The following AMBRA1 variants were observed in gnomAD, a reference collection of about 807,000 sequenced individuals.
AMBRA1 encodes activating molecule in BECN1-regulated autophagy protein 1.
In AMBRA1, 47 loss-of-function variants were observed where a neutral mutation model predicts 125.4. That is an observed-to-expected ratio of 0.37 (90% CI 0.30 to 0.48). The LOEUF (loss-of-function observed/expected upper bound fraction) is 0.48, where lower values mean the gene tolerates loss of function less well. Among genes scored for constraint, AMBRA1 ranks in the 20% least tolerant of loss-of-function variants. AMBRA1 has a pLI of 0.99. For missense variants in AMBRA1, 1,331 were observed against 1,693.4 expected (o/e 0.79, Z 3.76); for synonymous variants, 626 against 655.5 (o/e 0.95, Z 0.69).
At chr11:46,473,949 C>T (rs927158553) in intron 11 of AMBRA1, among the ~76,000 whole-genome samples, 1 of 152,200 alleles carries the variant, frequency 6.6e-6, no homozygotes, top group East Asian at 1.9e-4. Context: ...CGCACCCGGA[C>T]AGGATCCTTT....
intron 1 of AMBRA1, among the ~76,000 whole-genome samples, chr11:46,574,146 A>G (rs1269619991): frequency 1.4e-5 from 2 of 144,230 alleles, no homozygotes; most frequent in Admixed American, 1.4e-4. Context: ...GTGTCTTTAT[A>G]GCAGCATGAT....
chr11:46,424,783 T>C (rs1217657272), intron 14 of AMBRA1, among the ~76,000 whole-genome samples: 1 of 152,024 alleles, frequency 6.6e-6, no homozygotes, highest in South Asian at 2.1e-4. Context: ...AAATTTACAG[T>C]GGGCTATGAT....
chr11:46,510,307 G>A (rs1178679560), intron 8 of AMBRA1, among the ~76,000 whole-genome samples: 7 of 152,200 alleles, frequency 4.6e-5, no homozygotes, highest in African/African-American at 1.7e-4. Flanking sequence ...CATGCATTTT[G>A]CAAGGATGAA....
At chr11:46,469,988 T>A (rs1199538284) in intron 11 of AMBRA1, among the ~76,000 whole-genome samples, 1 of 152,156 alleles carries the variant, frequency 6.6e-6, no homozygotes, top group Non-Finnish European at 1.5e-5. Flanking sequence ...TATTTCATTT[T>A]AAAAATTTAC....
chr11:46,423,806 C>T (rs1488248558), intron 14 of AMBRA1, among the ~76,000 whole-genome samples: 3 of 143,886 alleles, frequency 2.1e-5, no homozygotes, highest in African/African-American at 8.0e-5. Flanking sequence ...TCTTGCTGCC[C>T]AGGCTAGAGT....
intron 9 of AMBRA1, among the ~76,000 whole-genome samples, chr11:46,505,914 G>A (rs757071742): frequency 2.7e-4 from 41 of 152,262 alleles, no homozygotes; most frequent in Non-Finnish European, 5.1e-4. Flanking sequence ...AAAAGATAAC[G>A]CAGTCTCCCA....
intron 1 of AMBRA1, among the ~76,000 whole-genome samples, chr11:46,593,580 G>A (rs2044684361): frequency 6.6e-6 from 1 of 152,174 alleles, no homozygotes; most frequent in African/African-American, 2.4e-5. Flanking sequence ...CACACTGGGG[G>A]TGCCCTAGAC....
rs572835323 is a variant in AMBRA1, at chr11:46,585,039, A to T, written c.-121+8789T>A. 3.3e-5 allele frequency among the ~76,000 whole-genome samples: 5 copies of T among 152,010 alleles called. No individual in the cohort carries two copies. The East Asian group carries it at 9.7e-4, about 29-fold the overall frequency. ...GAGATCACACCACTCACTGCACTCC[A>T]GCCTGGGCGACTGTGCTCTCTGTGC... On this transcript the variant is annotated intron_variant, in intron 1 of 17. Coordinates refer to ENST00000683756, the MANE Select transcript of AMBRA1 (RefSeq NM_001387011.1).
At chr11:46,549,883 A>G (rs1278308528) in intron 1 of AMBRA1, among the ~76,000 whole-genome samples, 1 of 152,134 alleles carries the variant, frequency 6.6e-6, no homozygotes, top group African/African-American at 2.4e-5. Flanking sequence ...CAACAGCGCA[A>G]TCTCGGCTCA....
At chr11:46,502,065 CA>C in intron 9 of AMBRA1, among the ~76,000 whole-genome samples, 2 of 152,082 alleles carry the variant, frequency 1.3e-5, no homozygotes, top group Non-Finnish European at 2.9e-5. Flanking sequence ...TGTCTCTCTC[CA>C]GGTCATTTTC....
chr11:46,550,882 C>T (rs551515024), intron 1 of AMBRA1, among the ~76,000 whole-genome samples: 83 of 147,884 alleles, frequency 5.6e-4, no homozygotes, highest in African/African-American at 1.9e-3. Flanking sequence ...GTCAGGAGAT[C>T]GAGACCATCC....
intron 1 of AMBRA1, among the ~76,000 whole-genome samples, chr11:46,582,424 C>T (rs2044208001): frequency 6.6e-6 from 1 of 152,188 alleles, no homozygotes; most frequent in Admixed American, 6.5e-5. Flanking sequence ...TTGGCACACA[C>T]TGCAATTATA....
chr11:46,446,982 A>G (rs1369400948), intron 11 of AMBRA1, among the ~76,000 whole-genome samples: 3 of 152,198 alleles, frequency 2.0e-5, no homozygotes, highest in African/African-American at 7.2e-5. Flanking sequence ...AGATTTTGAC[A>G]CTTCCTGTCA....
At chr11:46,588,350 G>C (rs2135341368) in intron 1 of AMBRA1, among the ~76,000 whole-genome samples, 1 of 152,170 alleles carries the variant, frequency 6.6e-6, no homozygotes, top group East Asian at 1.9e-4. Flanking sequence ...TAAACAGAAA[G>C]TAGCAAGTTG....
chr11:46,407,410 T>C (rs1303342822), intron 17 of AMBRA1, among the ~76,000 whole-genome samples: 1 of 152,098 alleles, frequency 6.6e-6, no homozygotes, highest in African/African-American at 2.4e-5. Flanking sequence ...AAAGGCCTAA[T>C]GGACTCCAGA....
chr11:46,399,842 G>C (rs1305212162), intron 17 of AMBRA1, among the ~76,000 whole-genome samples: 1 of 152,234 alleles, frequency 6.6e-6, no homozygotes, highest in Non-Finnish European at 1.5e-5. Context: ...TAGGGAGGGA[G>C]AGAAGGATCT....
At chr11:46,517,821 A>C (rs1431196968) in intron 7 of AMBRA1, among the ~76,000 whole-genome samples, 1 of 137,310 alleles carries the variant, frequency 7.3e-6, no homozygotes, top group African/African-American at 2.9e-5. Flanking sequence ...ACAGGGACAG[A>C]CTCTGTCTCA....
intron 11 of AMBRA1, among the ~76,000 whole-genome samples, chr11:46,447,106 C>T (rs1055590203): frequency 3.3e-5 from 5 of 152,124 alleles, no homozygotes; most frequent in Non-Finnish European, 7.3e-5. Context: ...GAAGAACTTA[C>T]TAAGACAATA....
chr11:46,514,305 A>G, intron 7 of AMBRA1, among the ~76,000 whole-genome samples: 1 of 152,318 alleles, frequency 6.6e-6, no homozygotes, highest in East Asian at 1.9e-4. Flanking sequence ...GAAGAGACAT[A>G]GCAAAGGCCC....
Sources: allele counts gnomAD v4.1 joint callset (sites outside exome capture counted in the v4.1 genomes callset), GRCh38; gene constraint gnomAD v4.1.1; transcripts MANE v1.5; gene names NCBI Gene and HGNC (gene_info 2026-07-23, HGNC 2026-07-21).